LRRIQ4: variants seen among roughly 807,000 people sequenced by gnomAD.
The protein encoded by LRRIQ4 is leucine rich repeats and IQ motif containing 4.
LRRIQ4 carries 21 observed loss-of-function variants against 40.1 expected under a neutral mutation model. The observed-to-expected ratio is 0.52, with a 90% CI of 0.37 to 0.75. LRRIQ4 has a LOEUF of 0.75. Among genes scored for constraint, LRRIQ4 ranks in the 30% least tolerant of loss-of-function variants. The pLI, the probability that LRRIQ4 is intolerant of heterozygous loss-of-function variation, is 0.00. For synonymous variants in LRRIQ4, 277 were observed against 277.1 expected, an observed-to-expected ratio of 1.00 and a Z score of 0.00; for missense variants, 655 against 660.0, an observed-to-expected ratio of 0.99 and a Z score of 0.08.
At position 169,837,740 on chromosome 3, in the gene LRRIQ4, G is replaced by A; in HGVS notation, c.*109G>A. 1 of 851,212 alleles carries A rather than the reference G, an allele frequency of 1.2e-6. No individual in the cohort carries two copies. The highest frequency in any genetic ancestry group is 3.6e-5 in the Admixed American group (1 of 27,820). The allele number at this position is 851,212 out of a possible 1,614,324, so 52.7% of individuals were successfully genotyped here. On this transcript the variant is annotated 3_prime_UTR_variant, in exon 6 of 6. Transcript: ENST00000340806. ...AAATTATTCATAAAATTACACTTAT[G>A]TGTAAAAATAAATGATTCTTACTTT...
chr3:169,825,595 A>G lies in LRRIQ4; in HGVS notation c.1020+2654A>G, dbSNP rs185307011. Among the ~76,000 whole-genome samples the G allele has an allele frequency of 6.8e-4, 103 of 152,346 alleles. No homozygotes were observed. The Middle Eastern group carries it at 0.01, about 15-fold the overall frequency. On this transcript the variant is annotated intron_variant, in intron 2 of 5. Transcript: ENST00000340806. ...GTGAAAGACTTAAAATATAAAGTAC[A>G]TGTGGGAGGGATAACACATTATACT...
chr3:169,830,409 A>AAAAAAAT, intron 3 of LRRIQ4, 83 bp from the exon 4 acceptor site: 1 of 508,542 alleles, frequency 2.0e-6, no homozygotes, highest in Non-Finnish European at 2.9e-6. Flanking sequence ...AAAAAAAAAA[A>AAAAAAAT]TGCATGAGCA....
intron 5 of LRRIQ4, among the ~76,000 whole-genome samples, chr3:169,836,731 T>C (rs1780311936): frequency 6.6e-6 from 1 of 152,028 alleles, no homozygotes; most frequent in African/African-American, 2.4e-5. Context: ...AGCGGAGGGG[T>C]GAGCCATCTG....
rs1779905238 is a variant in LRRIQ4, at chr3:169,822,068, AT to A, written c.149del (p.Leu50Ter). The A allele has an allele frequency of 6.2e-7, 1 of 1,605,058 alleles. No homozygotes were observed. Among genetic ancestry groups the A allele is most frequent in the African/African-American group, 1.3e-5 (1 of 74,264 alleles). ...IPLEIFTFTE[L>X]EEVHLENNQI... ...CTTTGGAGATCTTCACATTCACAGA[AT>A]TAGAAGAAGTGCATTTGGAGAATAA... On this transcript the variant is annotated frameshift_variant, in exon 2 of 6. Transcript: ENST00000340806. LOFTEE classifies it high-confidence loss of function.
At chr3:169,831,800 T>A (rs954191443) in intron 4 of LRRIQ4, among the ~76,000 whole-genome samples, 4 of 151,124 alleles carry the variant, frequency 2.6e-5, no homozygotes, top group Non-Finnish European at 1.5e-5. Context: ...AAAACCCATC[T>A]CTACTAAAAA....
intron 1 of LRRIQ4, among the ~76,000 whole-genome samples, chr3:169,820,123 T>A (rs73879134): frequency 0.038 from 5,715 of 152,260 alleles, 349 homozygotes; most frequent in African/African-American, 0.13. Context: ...GCACTGGGCC[T>A]CTGTGATGGA....
intron 3 of LRRIQ4, among the ~76,000 whole-genome samples, chr3:169,829,532 G>A (rs564694113): frequency 0.022 from 2,369 of 110,130 alleles, 68 homozygotes; most frequent in African/African-American, 0.079. Context: ...TTTTTTTTTT[G>A]ACAGAGTTTC....
At position 169,821,934 on chromosome 3, in the gene LRRIQ4, A is replaced by G. The variant is rs752420006; in HGVS notation, c.13A>G (p.Ile5Val). 1.4e-6 allele frequency: 2 copies of G among 1,471,154 alleles called. No individual in the cohort carries two copies. Among genetic ancestry groups the G allele is most frequent in the East Asian group, 2.4e-5 (1 of 41,550 alleles). 91.1% of individuals were successfully genotyped at this position (1,471,154 alleles called of 1,614,324 possible). ...TTTCTTCACAATAATGTCAAAAGAC[A>G]TAAAATCAGTAGAACATTCACCTAA... MSKD[I>V]KSVEHSPKIH... The change falls in exon 2 of 6, where the codon ATA becomes GTA. Residue 5 changes from isoleucine to valine, a missense_variant. By Grantham distance (29) the Ile-to-Val change is conservative (BLOSUM62 3). Coordinates refer to ENST00000340806, the MANE Select transcript of LRRIQ4 (RefSeq NM_001080460.3).
At chr3:169,830,850 A>G (rs1173576427) in intron 4 of LRRIQ4, among the ~76,000 whole-genome samples, 1 of 152,244 alleles carries the variant, frequency 6.6e-6, no homozygotes, top group African/African-American at 2.4e-5. Context: ...ATTTATTAAA[A>G]TGGAAAGGTA....
At chr3:169,815,806 T>C (rs568438166) in intron 1 of LRRIQ4, among the ~76,000 whole-genome samples, 1 of 152,356 alleles carries the variant, frequency 6.6e-6, no homozygotes, top group East Asian at 1.9e-4. Context: ...TGTTGAGGTA[T>C]CTTCCATCTA....
intron 1 of LRRIQ4, among the ~76,000 whole-genome samples, chr3:169,819,766 A>G (rs1779839887): frequency 6.6e-6 from 1 of 152,242 alleles, no homozygotes; most frequent in African/African-American, 2.4e-5. Context: ...CCTGGAGTAC[A>G]TAATCAGTGT....
chr3:169,824,446 G>A (rs996962487), intron 2 of LRRIQ4, among the ~76,000 whole-genome samples: 4 of 151,870 alleles, frequency 2.6e-5, no homozygotes, highest in Admixed American at 1.3e-4. Context: ...AGTTGGGCAC[G>A]CGTGGGTTTA....
chr3:169,815,033 T>C lies in LRRIQ4; in HGVS notation c.-32+1987T>C, dbSNP rs572496712. The stretch of plus-strand genomic sequence containing the variant: ...GCCAGTACCATGCTAGTTTGGCTAC[T>C]TTAGCTCTGCAATATAATTTTAATT... On this transcript the variant is annotated intron_variant, in intron 1 of 5. Coordinates refer to ENST00000340806, the MANE Select transcript of LRRIQ4 (RefSeq NM_001080460.3). Among the ~76,000 whole-genome samples the C allele has an allele frequency of 3.3e-5, 5 of 152,356 alleles. No homozygotes were observed. The South Asian group carries it at 1.0e-3, about 32-fold the overall frequency.
At chr3:169,814,564 C>T (rs906455424) in intron 1 of LRRIQ4, among the ~76,000 whole-genome samples, 14 of 152,274 alleles carry the variant, frequency 9.2e-5, no homozygotes. Context: ...TGGCTCACTG[C>T]AACCTCTGCC....
Position 169,830,602 on chromosome 3 carries a change from A to G in LRRIQ4, c.1305A>G (p.Gln435=), listed in dbSNP as rs912972035. 1.9e-6 allele frequency: 3 copies of G among 1,613,738 alleles called. No homozygotes were observed. The highest frequency in any genetic ancestry group is 1.3e-5 in the African/African-American group (1 of 74,886). ...VLDCRHNLLK[Q]LPDAICQAQA... Reference sequence around the variant, plus strand: ...ATTGCCGGCACAATTTGCTTAAGCAACTTCCAGATGCCATTTGCCAAGCAC... The same window carrying G: ...ATTGCCGGCACAATTTGCTTAAGCAGCTTCCAGATGCCATTTGCCAAGCAC... Residue 435 remains glutamine, a synonymous_variant, in exon 4 of 6, where the codon CAA becomes CAG. Coordinates refer to ENST00000340806, the MANE Select transcript of LRRIQ4 (RefSeq NM_001080460.3).
At chr3:169,816,491 C>T (rs1197808695) in intron 1 of LRRIQ4, among the ~76,000 whole-genome samples, 17 of 151,916 alleles carry the variant, frequency 1.1e-4, no homozygotes, top group Admixed American at 1.1e-3. Flanking sequence ...GTAATATCTC[C>T]TTTTTCATCT....
chr3:169,823,275 A>G (rs1779959386), intron 2 of LRRIQ4, among the ~76,000 whole-genome samples: 1 of 152,056 alleles, frequency 6.6e-6, no homozygotes, highest in African/African-American at 2.4e-5. Flanking sequence ...ATCCAAGGTT[A>G]CACAGCCTGT....
At chr3:169,816,178 C>T (rs1372469083) in intron 1 of LRRIQ4, among the ~76,000 whole-genome samples, 5 of 152,164 alleles carry the variant, frequency 3.3e-5, no homozygotes, top group Middle Eastern at 3.4e-3. Context: ...CCTCATAGAA[C>T]GAATTTGGAA....
intron 1 of LRRIQ4, among the ~76,000 whole-genome samples, chr3:169,818,318 A>T (rs1201191856): frequency 6.6e-6 from 1 of 152,190 alleles, no homozygotes; most frequent in Non-Finnish European, 1.5e-5. Flanking sequence ...CTATGATGTT[A>T]AAACCAGGGA....
Sources: gnomAD v4.1 joint callset for allele counts (sites outside exome capture counted in the v4.1 genomes callset) on GRCh38, gnomAD v4.1.1 for gene constraint, MANE v1.5 for transcripts, NCBI Gene and HGNC (gene_info 2026-07-23, HGNC 2026-07-21) for gene names.